Variants in VBP1 observed in about 807,000 individuals in gnomAD.
The protein encoded by VBP1 is prefoldin subunit 3.
In VBP1, 4 loss-of-function variants were observed where a neutral mutation model predicts 15.5. That is an observed-to-expected ratio of 0.26 (90% CI 0.13 to 0.59). VBP1 has a LOEUF of 0.59. VBP1 is among the 20% of genes least tolerant of loss of function. The pLI is 0.90. For synonymous variants in VBP1, 61 were observed against 52.1 expected, an observed-to-expected ratio of 1.17 and a Z score of -0.74; for missense variants, 108 against 139.6, an observed-to-expected ratio of 0.77 and a Z score of 1.14.
upstream of VBP1, among the ~76,000 whole-genome samples, chrX:155,214,125 G>A (rs1210814094): frequency 1.8e-5 from 2 of 112,565 alleles, no homozygotes; most frequent in Non-Finnish European, 3.8e-5. Flanking sequence ...TATTTTTCTG[G>A]TATTTGAAAA....
At chrX:155,204,508 GA>G (rs1356674427) in intron 1 of VBP1, among the ~76,000 whole-genome samples, 3 of 111,443 alleles carry the variant, frequency 2.7e-5, no homozygotes, top group Non-Finnish European at 5.7e-5. Context: ...ACTACGAACA[GA>G]AAAAAATTAT....
At chrX:155,215,359 T>C (rs2074658622), upstream of VBP1, among the ~76,000 whole-genome samples, 1 of 111,454 alleles carries the variant, frequency 9.0e-6, no homozygotes, top group South Asian at 3.8e-4. Flanking sequence ...GAGTCATGGT[T>C]AGCTAACATG....
At chrX:155,202,144 A>T (rs1231169056) in intron 1 of VBP1, among the ~76,000 whole-genome samples, 1 of 112,119 alleles carries the variant, frequency 8.9e-6, no homozygotes, top group Non-Finnish European at 1.9e-5. Context: ...TTCCATGCTC[A>T]TGGGTAGGAA....
At chrX:155,204,043 C>G (rs1250267807) in intron 1 of VBP1, among the ~76,000 whole-genome samples, 3 of 112,075 alleles carry the variant, frequency 2.7e-5, no homozygotes, top group Non-Finnish European at 5.6e-5. Flanking sequence ...TGAAGGAATT[C>G]ATCGATTTTG....
intron 4 of VBP1, among the ~76,000 whole-genome samples, chrX:155,235,346 G>A (rs1416664473): frequency 2.7e-5 from 3 of 111,467 alleles, no homozygotes; most frequent in African/African-American, 6.5e-5. Context: ...TGGTCAATAA[G>A]TATTTATTTG....
chrX:155,208,905 T>C (rs929308590), exon 2 of VBP1: 5 of 1,152,375 alleles, frequency 4.3e-6, no homozygotes, highest in Non-Finnish European at 4.6e-6. Flanking sequence ...CCTTCTCTAA[T>C]GGCACCTCAA....
Position 155,233,533 on chromosome X carries a change from C to T in VBP1, c.385-2696C>T, listed in dbSNP as rs1288124345. 3.6e-5 allele frequency among the ~76,000 whole-genome samples: 4 copies of T among 112,374 alleles called. No homozygotes were observed. In the Admixed American group the frequency reaches 3.8e-4, roughly 11 times the overall value. The stretch of plus-strand genomic sequence containing the variant: ...GTCTGTATATTAAGGTCAGCTCTGA[C>T]AAATGATGTAAATATCTCATCAGAG... On this transcript the variant is annotated intron_variant, in intron 4 of 5. Transcript: ENST00000286428.
At chrX:155,198,494 A>G (rs1438552435) in intron 1 of VBP1, among the ~76,000 whole-genome samples, 9 of 111,908 alleles carry the variant, frequency 8.0e-5, no homozygotes, top group African/African-American at 2.9e-4. Context: ...ATACCAGGCA[A>G]ACAGGGTCTG....
intron 4 of VBP1, among the ~76,000 whole-genome samples, chrX:155,229,014 T>C (rs1342723625): frequency 1.8e-5 from 2 of 112,194 alleles, no homozygotes; most frequent in Non-Finnish European, 3.8e-5. Flanking sequence ...TTTGCTCTTC[T>C]CAGTCCTCTG....
At chrX:155,210,706 G>A (rs933373247) in intron 2 of VBP1, among the ~76,000 whole-genome samples, 3 of 111,937 alleles carry the variant, frequency 2.7e-5, no homozygotes, top group African/African-American at 9.8e-5. Context: ...TCATAGCAAG[G>A]CTGATGGCAT....
intron 2 of VBP1, among the ~76,000 whole-genome samples, chrX:155,224,840 T>C (rs782352384): frequency 2.7e-5 from 3 of 111,988 alleles, no homozygotes; most frequent in Non-Finnish European, 5.6e-5. Flanking sequence ...GATTCCTGTT[T>C]ACAGATGTTG....
chrX:155,224,821 T>A (rs2074711876), intron 2 of VBP1, among the ~76,000 whole-genome samples: 1 of 112,120 alleles, frequency 8.9e-6, no homozygotes, highest in African/African-American at 3.2e-5. Flanking sequence ...TTTTCCTCTT[T>A]CTTTCTGGGA....
chrX:155,238,674 C>A (rs1204534032), intron 5 of VBP1, 98 bp from the exon 6 acceptor site: 4 of 611,770 alleles, frequency 6.5e-6, no homozygotes, highest in Non-Finnish European at 1.0e-5. Context: ...TGTTTCATTT[C>A]TGTGTCTTTG....
At chrX:155,208,151 T>C (rs1159019048) in intron 1 of VBP1, among the ~76,000 whole-genome samples, 1 of 112,250 alleles carries the variant, frequency 8.9e-6, no homozygotes, top group African/African-American at 3.2e-5. Context: ...TGAGGGTCCA[T>C]TTAATGGTTT....
intron 2 of VBP1, among the ~76,000 whole-genome samples, chrX:155,224,734 A>C (rs937192172): frequency 4.4e-4 from 49 of 112,174 alleles, no homozygotes; most frequent in Non-Finnish European, 6.2e-4. Context: ...CTTTTTCGAC[A>C]CTTGAATCTG....
chrX:155,209,568 G>T (rs1251429317), intron 2 of VBP1, among the ~76,000 whole-genome samples: 1 of 112,407 alleles, frequency 8.9e-6, no homozygotes, highest in Middle Eastern at 4.2e-3. Context: ...AGAAAGAATA[G>T]GTTGAACAAA....
intron 4 of VBP1, among the ~76,000 whole-genome samples, chrX:155,232,658 T>C (rs1373649643): frequency 4.5e-5 from 5 of 111,783 alleles, no homozygotes; most frequent in African/African-American, 1.6e-4. Context: ...ACCGGAATGG[T>C]AGGGTGATAC....
At chrX:155,200,467 G>T (rs782431637) in intron 1 of VBP1, among the ~76,000 whole-genome samples, 8 of 110,980 alleles carry the variant, frequency 7.2e-5, no homozygotes, top group African/African-American at 2.0e-4. Context: ...ACTCAAAACC[G>T]CTCGACTACA....
intron 4 of VBP1, among the ~76,000 whole-genome samples, chrX:155,232,716 G>C (rs1484490714): frequency 8.9e-6 from 1 of 112,847 alleles, no homozygotes; most frequent in Non-Finnish European, 1.9e-5. Flanking sequence ...TTTACTGTTG[G>C]TGAAGGTGTA....
Sources: allele counts gnomAD v4.1 joint callset (sites outside exome capture counted in the v4.1 genomes callset), GRCh38; gene constraint gnomAD v4.1.1; transcripts MANE v1.5; gene names NCBI Gene and HGNC (gene_info 2026-07-23, HGNC 2026-07-21).